The following CAST variants were observed in gnomAD, a reference collection of about 807,000 sequenced individuals.
CAST encodes MIR583 host.
A neutral mutation model predicts 119.6 loss-of-function variants in CAST; 76 were observed. That is an observed-to-expected ratio of 0.64 (90% confidence interval 0.53 to 0.77). The LOEUF (loss-of-function observed/expected upper bound fraction) is 0.77. Among genes scored for constraint, CAST ranks in the 30% least tolerant of loss-of-function variants. The probability of loss-of-function intolerance (pLI) is 0.00; values close to 1 mark genes in which losing one functional copy is unlikely to be tolerated. For missense variants in CAST, 953 were observed against 946.5 expected, an observed-to-expected ratio of 1.01 and a Z score of -0.09; for synonymous variants, 319 against 331.6, an observed-to-expected ratio of 0.96 and a Z score of 0.41.
At chr5:96,035,174 GAAGTA>G in the CAST span, among the ~76,000 whole-genome samples, 2 of 128,168 alleles carry the variant, frequency 1.6e-5, no homozygotes, top group African/African-American at 5.9e-5. Flanking sequence ...TATATATTTT[GAAGTA>G]TATATATAAA....
chr5:96,407,551 C>A, the CAST span, among the ~76,000 whole-genome samples: 50 of 152,278 alleles, frequency 3.3e-4, no homozygotes, highest in Admixed American at 3.3e-3. Flanking sequence ...ATATAAAAAT[C>A]ATTAAAACAT....
chr5:96,733,886 A>G (rs552781733), intron 9 of CAST, among the ~76,000 whole-genome samples: 1 of 152,280 alleles, frequency 6.6e-6, no homozygotes, highest in Admixed American at 6.5e-5. Context: ...TCAAAAAAAT[A>G]AAATAAAAAA....
intron 1 of CAST, among the ~76,000 whole-genome samples, chr5:96,585,388 T>TTAATTTTTAA (rs1746841941): frequency 6.6e-6 from 1 of 152,178 alleles, no homozygotes; most frequent in South Asian, 2.1e-4. Context: ...TCTTAAGGCC[T>TTAATTTTTAA]TTAATTAATC....
chr5:96,646,823 A>T (rs1003426236), intron 1 of CAST, among the ~76,000 whole-genome samples: 1 of 152,238 alleles, frequency 6.6e-6, no homozygotes, highest in Admixed American at 6.5e-5. Flanking sequence ...TATAATGTGT[A>T]GGTTAAAGCT....
At chr5:96,645,756 AAG>A (rs1334679572) in intron 1 of CAST, among the ~76,000 whole-genome samples, 2 of 151,904 alleles carry the variant, frequency 1.3e-5, no homozygotes, top group Non-Finnish European at 2.9e-5. Flanking sequence ...GGGAAAATAA[AAG>A]AGAGTATTTC....
At chr5:96,295,079 T>C in the CAST span, among the ~76,000 whole-genome samples, 1 of 152,246 alleles carries the variant, frequency 6.6e-6, no homozygotes, top group Non-Finnish European at 1.5e-5. Context: ...TTTGTTACTA[T>C]GGAGAATACT....
the CAST span, among the ~76,000 whole-genome samples, chr5:96,191,279 C>T: frequency 3.3e-5 from 5 of 152,172 alleles, no homozygotes; most frequent in Non-Finnish European, 5.9e-5. Flanking sequence ...CTACCATGGC[C>T]TGAGGCACTT....
At chr5:96,306,556 G>C in the CAST span, among the ~76,000 whole-genome samples, 1 of 151,998 alleles carries the variant, frequency 6.6e-6, no homozygotes, top group Non-Finnish European at 1.5e-5. Context: ...GTTGATTTTA[G>C]ATCTTTCCTG....
the CAST span, among the ~76,000 whole-genome samples, chr5:96,404,190 A>C: frequency 1.3e-5 from 2 of 152,214 alleles, no homozygotes; most frequent in Non-Finnish European, 2.9e-5. Context: ...CAGGTGGATG[A>C]GGTTGTAGGA....
At chr5:96,530,990 G>A (rs1745679572) in intron 1 of CAST, among the ~76,000 whole-genome samples, 2 of 152,052 alleles carry the variant, frequency 1.3e-5, no homozygotes, top group Non-Finnish European at 2.9e-5. Context: ...ATGGGGCTTT[G>A]CCATGTTGCC....
the CAST span, among the ~76,000 whole-genome samples, chr5:96,264,926 A>G: frequency 6.6e-6 from 1 of 152,218 alleles, no homozygotes; most frequent in Non-Finnish European, 1.5e-5. Flanking sequence ...TGATACAGTT[A>G]TCCATTTAAT....
the CAST span, among the ~76,000 whole-genome samples, chr5:96,506,377 C>T: frequency 3.7e-3 from 567 of 152,304 alleles, 5 homozygotes; most frequent in South Asian, 0.011. Context: ...GACAATTAAG[C>T]TCAAATGAAA....
At chr5:96,433,162 GT>G in the CAST span, 9 of 962,766 alleles carry the variant, frequency 9.3e-6, no homozygotes, top group Non-Finnish European at 1.5e-5. Context: ...CTGGCTCCTG[GT>G]TGCTCTGCGA....
chr5:96,691,741 T>C (rs1360698573), intron 2 of CAST, among the ~76,000 whole-genome samples: 1 of 152,262 alleles, frequency 6.6e-6, no homozygotes, highest in Non-Finnish European at 1.5e-5. Flanking sequence ...GAAACTTGCC[T>C]AAGATCTCAT....
the CAST span, among the ~76,000 whole-genome samples, chr5:96,449,801 C>G: frequency 6.6e-6 from 1 of 152,150 alleles, no homozygotes; most frequent in East Asian, 1.9e-4. Context: ...ACAGGACTCT[C>G]TTTATGTCTG....
chr5:96,065,562 C>T, the CAST span, among the ~76,000 whole-genome samples: 4 of 151,982 alleles, frequency 2.6e-5, no homozygotes, highest in Non-Finnish European at 5.9e-5. Context: ...TATTTTAAAG[C>T]ATTTAGAACA....
chr5:96,738,099 A>G, intron 11 of CAST, 152 bp downstream of exon 11: 1 of 521,686 alleles, frequency 1.9e-6, no homozygotes, highest in East Asian at 3.4e-5. Flanking sequence ...AGGCAGGCAG[A>G]TTTCTTGAAG....
chr5:96,125,348 C>T, the CAST span, among the ~76,000 whole-genome samples: 1 of 152,136 alleles, frequency 6.6e-6, no homozygotes, highest in Non-Finnish European at 1.5e-5. Context: ...ATAACTGTAA[C>T]TTCTTATCTA....
chr5:96,417,763 A>G, the CAST span, among the ~76,000 whole-genome samples: 1 of 152,226 alleles, frequency 6.6e-6, no homozygotes, highest in Non-Finnish European at 1.5e-5. Flanking sequence ...TTGCAACTGA[A>G]GCTGTCCTGA....
Sources: gnomAD v4.1 joint callset for allele counts (sites outside exome capture counted in the v4.1 genomes callset) on GRCh38, gnomAD v4.1.1 for gene constraint, MANE v1.5 for transcripts, NCBI Gene and HGNC (gene_info 2026-07-23, HGNC 2026-07-21) for gene names.